Variants in RGS5 observed in about 807,000 individuals in gnomAD.
RGS5 encodes the protein regulator of G protein signaling 5.
RGS5 carries 20 observed loss-of-function variants against 18.9 expected under a neutral mutation model. That is an observed-to-expected ratio of 1.06 (90% CI 0.74 to 1.54). The LOEUF (loss-of-function observed/expected upper bound fraction) is 1.54. Ranked by LOEUF, RGS5 falls within the 40% of genes most tolerant of loss-of-function variation. The probability of loss-of-function intolerance (pLI) is 0.00; values close to 1 mark genes in which losing one functional copy is unlikely to be tolerated. For synonymous variants in RGS5, 57 were observed against 76.2 expected, an observed-to-expected ratio of 0.75 and a Z score of 1.31; for missense variants, 201 against 211.8, an observed-to-expected ratio of 0.95 and a Z score of 0.32.
chr1:163,189,195 C>G, intron 1 of RGS5, among the ~76,000 whole-genome samples: 1 of 152,064 alleles, frequency 6.6e-6, no homozygotes, highest in African/African-American at 2.4e-5. Context: ...CATGGGCACT[C>G]CATATAATCT....
At chr1:163,212,315 A>G (rs1660126002) in intron 1 of RGS5, 1 of 152,252 alleles carries the variant, frequency 6.6e-6, no homozygotes. Context: ...CCCCCAAAAC[A>G]TGTAGGCTGG....
At chr1:163,200,084 A>G (rs1437862460) in intron 1 of RGS5, among the ~76,000 whole-genome samples, 1 of 152,206 alleles carries the variant, frequency 6.6e-6, no homozygotes, top group South Asian at 2.1e-4. Flanking sequence ...ACTCGAAAAC[A>G]TGTTAGAGAA....
Position 163,145,989 on chromosome 1 carries a change from G to C in RGS5, c.*1353C>G, listed in dbSNP as rs1197174734. 6.6e-6 allele frequency: 1 copy of C among 152,074 alleles called. No homozygotes were observed. The highest frequency in any genetic ancestry group is 6.6e-5 in the Admixed American group (1 of 15,260). The allele number at this position is 152,074 out of a possible 1,614,324, so 9.4% of individuals were successfully genotyped here. A position where few individuals can be genotyped will look rare whatever the true frequency, so the allele number is the denominator to read the frequency against. ...CTCGATTACCCTCATACATGGCTTA[G>C]TTTGATTCTGTTACTAAATTCTGTG... On this transcript the variant is annotated 3_prime_UTR_variant, in exon 5 of 5. Coordinates refer to ENST00000313961, the MANE Select transcript of RGS5 (RefSeq NM_003617.4).
chr1:163,257,756 T>C (rs1331840473), intron 2 of RGS5, among the ~76,000 whole-genome samples: 1 of 152,186 alleles, frequency 6.6e-6, no homozygotes, highest in Non-Finnish European at 1.5e-5. Context: ...AAACTTCTAA[T>C]CCAGTTCTTT....
intron 1 of RGS5, among the ~76,000 whole-genome samples, chr1:163,169,086 C>T (rs908122956): frequency 2.0e-5 from 3 of 148,774 alleles, no homozygotes; most frequent in Non-Finnish European, 4.4e-5. Context: ...TTGTTCAATT[C>T]CCACCTATGA....
chr1:163,220,383 C>G (rs1647205649), upstream of RGS5, among the ~76,000 whole-genome samples: 1 of 152,150 alleles, frequency 6.6e-6, no homozygotes, highest in Non-Finnish European at 1.5e-5. Flanking sequence ...TCAAATTTTA[C>G]TAAGTATCCA....
intron 2 of RGS5, among the ~76,000 whole-genome samples, chr1:163,269,598 G>A (rs2101710915): frequency 6.6e-6 from 1 of 152,108 alleles, no homozygotes; most frequent in African/African-American, 2.4e-5. Context: ...CATCAAAGTA[G>A]GACCATGCAA....
At chr1:163,192,905 C>T (rs1418821928) in intron 1 of RGS5, among the ~76,000 whole-genome samples, 1 of 152,148 alleles carries the variant, frequency 6.6e-6, no homozygotes, top group Non-Finnish European at 1.5e-5. Context: ...AATAACTTGC[C>T]AAAATACAGG....
intron 2 of RGS5, among the ~76,000 whole-genome samples, chr1:163,163,252 C>G (rs1444978956): frequency 6.6e-6 from 1 of 152,094 alleles, no homozygotes; most frequent in Non-Finnish European, 1.5e-5. Flanking sequence ...GTTGTGAGTC[C>G]TGATTATATG....
chr1:163,316,220 G>A (rs988900664), intron 1 of RGS5, among the ~76,000 whole-genome samples: 1 of 152,168 alleles, frequency 6.6e-6, no homozygotes, highest in East Asian at 1.9e-4. Context: ...ACCTATGTCA[G>A]CAAGCTAGAA....
intron 2 of RGS5, among the ~76,000 whole-genome samples, chr1:163,250,344 C>A (rs1557919431): frequency 6.6e-6 from 1 of 152,186 alleles, no homozygotes; most frequent in African/African-American, 2.4e-5. Context: ...GTATTTAGGG[C>A]AGTTGCCTTT....
chr1:163,292,909 G>A (rs908064310), intron 2 of RGS5, among the ~76,000 whole-genome samples: 1 of 152,096 alleles, frequency 6.6e-6, no homozygotes, highest in African/African-American at 2.4e-5. Context: ...TATGGATGCT[G>A]GATATTAGAC....
intron 1 of RGS5, among the ~76,000 whole-genome samples, chr1:163,310,640 T>C (rs1021617652): frequency 2.5e-4 from 38 of 151,922 alleles, no homozygotes; most frequent in Admixed American, 3.3e-4. Flanking sequence ...TTTGTCTACA[T>C]TGAAAATCTG....
chr1:163,295,919 T>C (rs1649409608), intron 2 of RGS5, among the ~76,000 whole-genome samples: 1 of 152,202 alleles, frequency 6.6e-6, no homozygotes, highest in Admixed American at 6.5e-5. Context: ...ATCTTTTTTT[T>C]TCAATCAACT....
chr1:163,202,840 G>A lies in RGS5; in HGVS notation c.-5C>T. 1 of 1,613,352 alleles carries A rather than the reference G, an allele frequency of 6.2e-7. No homozygotes were observed. The highest frequency in any genetic ancestry group is 8.5e-7 in the Non-Finnish European group (1 of 1,179,548). ...AGCTGCAAGTCCTTTGCACATTTTG[G>A]CAGGTGGCTTAGCTCCTCCGCTTTA... On this transcript the variant is annotated 5_prime_UTR_variant, in exon 1 of 5. Transcript: ENST00000313961.
intron 2 of RGS5, among the ~76,000 whole-genome samples, chr1:163,163,577 G>C (rs1330622505): frequency 6.6e-6 from 1 of 152,178 alleles, no homozygotes; most frequent in African/African-American, 2.4e-5. Context: ...CTATCTACTA[G>C]AGGTCAATAA....
At chr1:163,183,790 C>T (rs1186047834) in intron 1 of RGS5, among the ~76,000 whole-genome samples, 2 of 152,084 alleles carry the variant, frequency 1.3e-5, no homozygotes, top group Admixed American at 1.3e-4. Context: ...CTTGCTGGGA[C>T]CTTGCATGCC....
At chr1:163,218,274 G>T (rs539788199), upstream of RGS5, among the ~76,000 whole-genome samples, 1 of 152,168 alleles carries the variant, frequency 6.6e-6, no homozygotes, top group African/African-American at 2.4e-5. Context: ...CTGAAATTTA[G>T]CATTTCCTAT....
intron 1 of RGS5, among the ~76,000 whole-genome samples, chr1:163,201,743 G>A (rs80066702): frequency 0.025 from 3,766 of 152,170 alleles, 66 homozygotes; most frequent in Non-Finnish European, 0.037. Flanking sequence ...TCAAAAAGAA[G>A]ACCTGAACTT....
Sources: gnomAD v4.1 joint callset for allele counts (sites outside exome capture counted in the v4.1 genomes callset) on GRCh38, gnomAD v4.1.1 for gene constraint, MANE v1.5 for transcripts, NCBI Gene and HGNC (gene_info 2026-07-23, HGNC 2026-07-21) for gene names.